Variants in TTF2 observed in about 807,000 individuals in gnomAD.
TTF2 encodes the protein transcription termination factor 2.
In TTF2, 108 loss-of-function variants were observed where a neutral mutation model predicts 142.4. The observed-to-expected ratio is 0.76, with a 90% CI of 0.65 to 0.89. TTF2 has a LOEUF of 0.89. Ranked by LOEUF, TTF2 falls within the 40% of genes least tolerant of loss-of-function variation. TTF2 has a pLI of 0.00. For missense variants in TTF2, 1,327 were observed against 1,379.8 expected, an observed-to-expected ratio of 0.96 and a Z score of 0.61; for synonymous variants, 483 against 506.2, an observed-to-expected ratio of 0.95 and a Z score of 0.61.
intron 3 of TTF2, among the ~76,000 whole-genome samples, chr1:117,072,514 T>G (rs1656675632): frequency 7.3e-6 from 1 of 136,288 alleles, no homozygotes; most frequent in Admixed American, 8.1e-5. Flanking sequence ...AACCTACGCC[T>G]CCCGGGTTCA....
rs1010454836 is a variant in TTF2 at position 117,096,165 on chromosome 1, T to G, written c.3052T>G (p.Trp1018Gly). 6.2e-7 allele frequency: 1 copy of G among 1,614,106 alleles called. No individual in the cohort carries two copies. Among genetic ancestry groups the G allele is most frequent in the Admixed American group, 1.7e-5 (1 of 60,022 alleles). Reference protein sequence around the residue: ...ASQKSVIVSQWTNMLKVVALH... With the variant: ...ASQKSVIVSQGTNMLKVVALH... ...TCTTTCCAGTGTCATTGTCTCTCAGTGGACCAACATGCTGAAAGTTGTAGC... is the reference window on the plus strand; with the variant it reads ...TCTTTCCAGTGTCATTGTCTCTCAGGGGACCAACATGCTGAAAGTTGTAGC... Residue 1018 changes from tryptophan (W) to glycine (G), a missense_variant, in exon 20 of 23, where the codon TGG becomes GGG. By Grantham distance (184) the Trp-to-Gly change is radical. Transcript: ENST00000369466.
In TTF2 at chr1:117,097,014, A is replaced by G. The variant is rs1387141045; in HGVS notation, c.3187-337A>G. Among the ~76,000 whole-genome samples the G allele has an allele frequency of 1.3e-5, 2 of 152,180 alleles. No individual in the cohort carries two copies. Among genetic ancestry groups the G allele is most frequent in the African/African-American group, 4.8e-5 (2 of 41,448 alleles). ...AGAATTATTGTAGCAATGGAGGGGT[A>G]GGGACTGATGAAATAAACATAATCT... On this transcript the variant is annotated intron_variant, in intron 20 of 22. Transcript: ENST00000369466. This position sits in a 1 kb window ranked among gnomAD's most constrained non-coding sequence, Gnocchi z 4.1.
chr1:117,060,624 C>G (rs1046774994), intron 2 of TTF2, 67 bp downstream of exon 2: 1 of 1,489,422 alleles, frequency 6.7e-7, no homozygotes, highest in East Asian at 2.3e-5. Context: ...CTTCCCGCTC[C>G]CCGCTGTCGG....
In TTF2 at chr1:117,075,365, C is replaced by G; in HGVS notation, c.781C>G (p.Leu261Val). 6.2e-7 allele frequency: 1 copy of G among 1,614,200 alleles called. No individual in the cohort carries two copies. The highest frequency in any genetic ancestry group is 8.5e-7 in the Non-Finnish European group (1 of 1,180,040). ...ACCTCTGAGAGAAAAGGTTACCCAG[C>G]TTTTGCCTCAAAATGTTCACAGTCA... ...SEPLREKVTQ[L>V]LPQNVHSHNS... Residue 261 changes from leucine to valine, a missense_variant, in exon 5 of 23, where the codon CTT becomes GTT. By Grantham distance (32) the Leu-to-Val change is conservative. Coordinates refer to ENST00000369466, the MANE Select transcript of TTF2 (RefSeq NM_003594.4). The surrounding 1 kb of genome is among the most constrained non-coding windows in gnomAD (Gnocchi z 4.5).
In TTF2 at chr1:117,100,354, T is replaced by G. The variant is rs1293030935; in HGVS notation, c.3345-1026T>G. Among the ~76,000 whole-genome samples the G allele has an allele frequency of 6.6e-6, 1 of 152,188 alleles. No homozygotes were observed. Reference sequence around the variant, plus strand: ...TCTGATAACCATTTCTTCCTTCCCATGCCCACTGCCAGGTCCCCCCTTCCC... The same window carrying G: ...TCTGATAACCATTTCTTCCTTCCCAGGCCCACTGCCAGGTCCCCCCTTCCC... On this transcript the variant is annotated intron_variant, in intron 22 of 22. Coordinates refer to ENST00000369466, the MANE Select transcript of TTF2 (RefSeq NM_003594.4). The surrounding 1 kb of genome is among the most constrained non-coding windows in gnomAD (Gnocchi z 4.6).
chr1:117,060,922 G>C (rs1307458994), intron 2 of TTF2, among the ~76,000 whole-genome samples: 1 of 152,214 alleles, frequency 6.6e-6, no homozygotes, highest in African/African-American at 2.4e-5. Flanking sequence ...ACACACAGCA[G>C]ACATAGTGGA....
intron 4 of TTF2, among the ~76,000 whole-genome samples, chr1:117,074,634 C>T (rs1656839007): frequency 6.6e-6 from 1 of 151,740 alleles, no homozygotes; most frequent in Non-Finnish European, 1.5e-5. Flanking sequence ...AAACATTGAG[C>T]ACCCATAAAC....
Position 117,104,702 on chromosome 1 carries a change from A to G in TTF2, c.*3178A>G, listed in dbSNP as rs749808870. 2.6e-5 allele frequency: 4 copies of G among 152,212 alleles called. No homozygotes were observed. The highest frequency in any genetic ancestry group is 4.4e-5 in the Non-Finnish European group (3 of 68,046). The allele number at this position is 152,212 out of a possible 1,614,324, so 9.4% of individuals were successfully genotyped here. Reference sequence around the variant, plus strand: ...CTTAATGGGATGGAATATACTAAACATGCATTCTTAAATCCTAGTGCTGGG... The same window carrying G: ...CTTAATGGGATGGAATATACTAAACGTGCATTCTTAAATCCTAGTGCTGGG... On this transcript the variant is annotated 3_prime_UTR_variant, in exon 23 of 23. Transcript: ENST00000369466.
At chr1:117,077,895 G>T in intron 7 of TTF2, 21 bp from the exon 8 acceptor site, 2 of 1,613,502 alleles carry the variant, frequency 1.2e-6, no homozygotes, top group South Asian at 1.1e-5. Flanking sequence ...CATCTTTTAG[G>T]TAACACCTAT....
Position 117,073,525 on chromosome 1 carries a change from A to T in TTF2, c.219-136A>T. On this transcript the variant is annotated intron_variant, in intron 3 of 22. Transcript: ENST00000369466. This position sits in a 1 kb window ranked among gnomAD's most constrained non-coding sequence, Gnocchi z 4.4. ...AAATAATTTTTAAATGTGTATATAAAAGTAATTGGTTTCAAGTGACCTCCC... is the reference window on the plus strand; with the variant it reads ...AAATAATTTTTAAATGTGTATATAATAGTAATTGGTTTCAAGTGACCTCCC... The T allele has an allele frequency of 1.5e-6, 1 of 662,482 alleles. No homozygotes were observed. Among genetic ancestry groups the T allele is most frequent in the South Asian group, 2.5e-5 (1 of 39,638 alleles). 41.0% of individuals were successfully genotyped at this position (662,482 alleles called of 1,614,324 possible). A position where few individuals can be genotyped will look rare whatever the true frequency, so the allele number is the denominator to read the frequency against.
At chr1:117,091,478 A>G (rs1164979638) in intron 16 of TTF2, 68 bp downstream of exon 16, 17 of 1,475,048 alleles carry the variant, frequency 1.2e-5, no homozygotes, top group Non-Finnish European at 1.5e-5. Context: ...AGTAAAACAC[A>G]GAAATGTGAG....
rs1351579420 is a variant in TTF2 at position 117,092,681 on chromosome 1, G to A, written c.2806-50G>A. The A allele has an allele frequency of 3.8e-6, 6 of 1,579,968 alleles. No homozygotes were observed. The highest frequency in any genetic ancestry group is 5.2e-6 in the Non-Finnish European group (6 of 1,162,848). ...TCAAAACATCATCAACAAGTAACAAGGTTTGCTCCCTTGACTCCCAGCTGC... is the reference window on the plus strand; with the variant it reads ...TCAAAACATCATCAACAAGTAACAAAGTTTGCTCCCTTGACTCCCAGCTGC... On this transcript the variant is annotated intron_variant, in intron 17 of 22. Transcript: ENST00000369466. This position sits in a 1 kb window ranked among gnomAD's most constrained non-coding sequence, Gnocchi z 4.4.
chr1:117,077,831 A>G, intron 7 of TTF2, 85 bp from the exon 8 acceptor site: 3 of 1,547,534 alleles, frequency 1.9e-6, no homozygotes, highest in Non-Finnish European at 2.7e-6. Context: ...AAACAGATAC[A>G]GGGCCATTTG....
chr1:117,092,594 G>A lies in TTF2; in HGVS notation c.2806-137G>A. On this transcript the variant is annotated intron_variant, in intron 17 of 22. Transcript: ENST00000369466. This position sits in a 1 kb window ranked among gnomAD's most constrained non-coding sequence, Gnocchi z 4.4. ...CTTGCAAGATCACACTTTAATCAAG[G>A]TGTCTTGAGGAGTTACTGATGACAA... The A allele has an allele frequency of 1.2e-6, 1 of 854,976 alleles. No individual in the cohort carries two copies. Among genetic ancestry groups the A allele is most frequent in the Middle Eastern group, 3.9e-4 (1 of 2,558 alleles). The allele number at this position is 854,976 out of a possible 1,614,324, so 53.0% of individuals were successfully genotyped here.
In TTF2 at chr1:117,105,881, GCT is replaced by G. The variant is rs1649902660; in HGVS notation, c.*4360_*4361del. 6.6e-6 allele frequency: 1 copy of G among 152,120 alleles called. No homozygotes were observed. The highest frequency in any genetic ancestry group is 6.5e-5 in the Admixed American group (1 of 15,268). The allele number at this position is 152,120 out of a possible 1,614,324, so 9.4% of individuals were successfully genotyped here. On this transcript the variant is annotated 3_prime_UTR_variant, in exon 23 of 23. Transcript: ENST00000369466. The surrounding 1 kb of genome is among the most constrained non-coding windows in gnomAD (Gnocchi z 4.7). ...TTCATGAACACTGAGTTGTTTCCTT[GCT>G]CTGATTGTCTGTTGCTCAATGAAAT...
At chr1:117,095,782 G>A (rs144651939) in intron 19 of TTF2, among the ~76,000 whole-genome samples, 39 of 152,284 alleles carry the variant, frequency 2.6e-4, no homozygotes, top group African/African-American at 9.4e-4. Flanking sequence ...GGGGCAGGGA[G>A]GAGCCTGTTG....
In TTF2 at chr1:117,085,289, C is replaced by A. The variant is rs759559007; in HGVS notation, c.2054+1121C>A. Among the ~76,000 whole-genome samples, 2 of 152,182 alleles carry A rather than the reference C, an allele frequency of 1.3e-5. No homozygotes were observed. The highest frequency in any genetic ancestry group is 2.9e-5 in the Non-Finnish European group (2 of 68,024). On this transcript the variant is annotated intron_variant, in intron 11 of 22. Transcript: ENST00000369466. The surrounding 1 kb of genome is among the most constrained non-coding windows in gnomAD (Gnocchi z 4.7). ...TCTCTTGGGGCTGGGCATGGTGGCT[C>A]ATGCCTATAATCCGAGCACTTTGGG...
rs149410788 is a variant in TTF2 at position 117,070,267 on chromosome 1, G to A, written c.219-3394G>A. Among the ~76,000 whole-genome samples, 1,169 of 152,302 alleles carry A rather than the reference G, an allele frequency of 7.7e-3. 6 individuals carry two copies. Among genetic ancestry groups the A allele is most frequent in the Non-Finnish European group, 0.012 (835 of 68,032 alleles). ...ACAATGGGGGCATATTCTGAGAAAT[G>A]CGTCATTAGGAGATTTCATTTTTGT... On this transcript the variant is annotated intron_variant, in intron 3 of 22. Transcript: ENST00000369466. This position sits in a 1 kb window ranked among gnomAD's most constrained non-coding sequence, Gnocchi z 4.2.
Position 117,075,378 on chromosome 1 carries a change from A to G in TTF2, c.794A>G (p.Asn265Ser). ...AAGGTTACCCAGCTTTTGCCTCAAA[A>G]TGTTCACAGTCACAACTCAATAAGC... is the stretch of plus-strand genomic sequence containing the variant. Reference protein sequence around the residue: ...REKVTQLLPQNVHSHNSISKP... With the variant: ...REKVTQLLPQSVHSHNSISKP... The change falls in exon 5 of 23, where the codon AAT becomes AGT. Residue 265 changes from asparagine to serine, a missense_variant. Transcript: ENST00000369466. The surrounding 1 kb of genome is among the most constrained non-coding windows in gnomAD (Gnocchi z 4.5). The G allele has an allele frequency of 1.9e-6, 3 of 1,614,224 alleles. No homozygotes were observed. Among genetic ancestry groups the G allele is most frequent in the Non-Finnish European group, 2.5e-6 (3 of 1,180,032 alleles).
Sources: allele counts gnomAD v4.1 joint callset (sites outside exome capture counted in the v4.1 genomes callset), GRCh38; gene constraint gnomAD v4.1.1; non-coding constraint Gnocchi (gnomAD v3.1); transcripts MANE v1.5; gene names NCBI Gene and HGNC (gene_info 2026-07-23, HGNC 2026-07-21).